ATP2B2: variants seen among roughly 807,000 people sequenced by gnomAD.
ATP2B2 encodes ATPase plasma membrane Ca2+ transporting 2.
Under a neutral mutation model 120.0 loss-of-function variants are expected in ATP2B2, and 15 were observed. That is an observed-to-expected ratio of 0.12 (90% CI 0.08 to 0.19). The LOEUF is 0.19. ATP2B2 is among the 10% of genes least tolerant of loss of function. The pLI, the probability that ATP2B2 is intolerant of heterozygous loss-of-function variation, is 1.00. For missense variants in ATP2B2, 1,045 were observed against 1,719.8 expected, an observed-to-expected ratio of 0.61 and a Z score of 6.94; for synonymous variants, 694 against 700.3, an observed-to-expected ratio of 0.99 and a Z score of 0.14.
intron 1 of ATP2B2, among the ~76,000 whole-genome samples, chr3:10,633,242 T>C (rs2069919994): frequency 6.6e-6 from 1 of 152,290 alleles, no homozygotes; most frequent in South Asian, 2.1e-4. Context: ...GGGGGTTAAA[T>C]GAGTTAACAC....
chr3:10,332,850 G>A (rs1298958606), intron 22 of ATP2B2, among the ~76,000 whole-genome samples: 2 of 152,198 alleles, frequency 1.3e-5, no homozygotes, highest in Non-Finnish European at 2.9e-5. Context: ...TGAGGCATCT[G>A]TGAAGTAAAG....
chr3:10,569,567 G>A (rs1461082362), intron 2 of ATP2B2, among the ~76,000 whole-genome samples: 2 of 152,162 alleles, frequency 1.3e-5, no homozygotes, highest in Admixed American at 6.5e-5. Context: ...CAACTAGCAT[G>A]TAATCCCTGA....
chr3:10,392,931 G>A (rs17032812), intron 5 of ATP2B2, among the ~76,000 whole-genome samples: 13,505 of 152,266 alleles, frequency 0.089, 897 homozygotes, highest in East Asian at 0.29. Context: ...GCTACATCTC[G>A]GGAAGAAGAG....
At chr3:10,389,074 G>T (rs79881275) in intron 5 of ATP2B2, among the ~76,000 whole-genome samples, 6,875 of 152,258 alleles carry the variant, frequency 0.045, 235 homozygotes, top group Non-Finnish European at 0.068. Flanking sequence ...ACTACTCCAG[G>T]GGTCTATGCT....
In ATP2B2 at chr3:10,340,154, C is replaced by A. The variant is rs547837058; in HGVS notation, c.3237+88G>T. On this transcript the variant is annotated intron_variant, in intron 21 of 22. Transcript: ENST00000360273. The surrounding 1 kb of genome is among the most constrained non-coding windows in gnomAD (Gnocchi z 5.0). ...GAGGAGCTTGCCTGGGGTCTGGCAGCCCATTCCTGGGGGTCCTGGATTCTC... is the reference window on the plus strand; with the variant it reads ...GAGGAGCTTGCCTGGGGTCTGGCAGACCATTCCTGGGGGTCCTGGATTCTC... 7.6e-7 allele frequency: 1 copy of A among 1,316,608 alleles called. No individual in the cohort carries two copies. Among genetic ancestry groups the A allele is most frequent in the Non-Finnish European group, 1.1e-6 (1 of 924,044 alleles). 81.6% of individuals were successfully genotyped at this position (1,316,608 alleles called of 1,614,324 possible).
In ATP2B2 at chr3:10,568,171, T is replaced by C. The variant is rs1575505276; in HGVS notation, c.-414-34038A>G. 2.0e-5 allele frequency among the ~76,000 whole-genome samples: 3 copies of C among 152,170 alleles called. No individual in the cohort carries two copies. The East Asian group carries it at 5.8e-4, about 29-fold the overall frequency. On this transcript the variant is annotated intron_variant, in intron 2 of 21. Transcript: ENST00000646379. ...ACACTGTAGGTCCTGCAGCCTTAGG[T>C]GCAGGGCTGCTGCCACACCAAGGAC... is the stretch of plus-strand genomic sequence containing the variant.
intron 8 of ATP2B2, among the ~76,000 whole-genome samples, chr3:10,384,656 C>G (rs1185780010): frequency 6.6e-6 from 1 of 152,156 alleles, no homozygotes; most frequent in African/African-American, 2.4e-5. Flanking sequence ...GCACAGGCAA[C>G]AGCAAGAAAC....
intron 1 of ATP2B2, among the ~76,000 whole-genome samples, chr3:10,482,303 C>G (rs920161102): frequency 6.6e-6 from 1 of 152,194 alleles, no homozygotes; most frequent in East Asian, 1.9e-4. Flanking sequence ...ATGGTGAGGG[C>G]AGCAGAGCAC....
At chr3:10,610,294 A>G (rs1467990588) in intron 2 of ATP2B2, among the ~76,000 whole-genome samples, 1 of 151,486 alleles carries the variant, frequency 6.6e-6, no homozygotes, top group African/African-American at 2.4e-5. Flanking sequence ...CCAACCCTAA[A>G]TGGGTTGGAA....
At chr3:10,645,925 T>C (rs2070310305) in intron 1 of ATP2B2, among the ~76,000 whole-genome samples, 1 of 152,162 alleles carries the variant, frequency 6.6e-6, no homozygotes, top group African/African-American at 2.4e-5. Context: ...ATTCACAGGA[T>C]CTTTGATGTG....
intron 17 of ATP2B2, 152 bp from the exon 18 acceptor site, chr3:10,345,727 C>T (rs973049312): frequency 1.4e-5 from 11 of 778,238 alleles, no homozygotes; most frequent in South Asian, 3.5e-5. Flanking sequence ...CCACTCTTCA[C>T]GCTCCTCACA....
intron 1 of ATP2B2, chr3:10,626,399 C>G (rs1168653546): frequency 6.6e-6 from 1 of 152,244 alleles, no homozygotes; most frequent in African/African-American, 2.4e-5. Flanking sequence ...TGCCAGGGTC[C>G]TGGGGGATCT....
intron 2 of ATP2B2, among the ~76,000 whole-genome samples, chr3:10,441,999 T>C (rs2063684044): frequency 6.6e-6 from 1 of 152,304 alleles, no homozygotes; most frequent in Admixed American, 6.5e-5. Context: ...GCATATTGAT[T>C]CTGCAAAATG....
At chr3:10,593,441 C>T (rs1448253276) in intron 2 of ATP2B2, among the ~76,000 whole-genome samples, 1 of 152,170 alleles carries the variant, frequency 6.6e-6, no homozygotes, top group Non-Finnish European at 1.5e-5. Context: ...TGAGAGTTGA[C>T]TGTCTGTGCA....
At chr3:10,576,255 G>A (rs967864673) in intron 2 of ATP2B2, among the ~76,000 whole-genome samples, 1 of 152,188 alleles carries the variant, frequency 6.6e-6, no homozygotes. Context: ...TCGGCAGAAC[G>A]TCCTTGCAGG....
At chr3:10,504,441 G>A (rs1331029641) in intron 1 of ATP2B2, among the ~76,000 whole-genome samples, 1 of 152,138 alleles carries the variant, frequency 6.6e-6, no homozygotes, top group Non-Finnish European at 1.5e-5. Context: ...AAGACCCTCT[G>A]CCGGCTGGTC....
At position 10,656,008 on chromosome 3, in the gene ATP2B2, C is replaced by T. The variant is rs2070616993; in HGVS notation, c.-459-36047G>A. Among the ~76,000 whole-genome samples the T allele has an allele frequency of 5.3e-5, 8 of 152,294 alleles. No homozygotes were observed. In the South Asian group the frequency reaches 1.7e-3, roughly 32 times the overall value. On this transcript the variant is annotated intron_variant, in intron 1 of 21. Transcript: ENST00000646379. ...GCTGAGAGAGCGGGGAAAACAATCC[C>T]TGGATTGATGAGTCCAAACAGAATA... is the stretch of plus-strand genomic sequence containing the variant.
At chr3:10,379,307 A>G (rs756229078) in intron 8 of ATP2B2, 23 bp from the exon 9 acceptor site, 2 of 1,613,062 alleles carry the variant, frequency 1.2e-6, no homozygotes, top group South Asian at 2.2e-5. Context: ...GAATTTTAAC[A>G]GACAACAGAG....
At position 10,397,039 on chromosome 3, in the gene ATP2B2, C is replaced by T. The variant is rs1314722760; in HGVS notation, c.781+3914G>A. On this transcript the variant is annotated intron_variant, in intron 5 of 22. Coordinates refer to ENST00000360273, the MANE Select transcript of ATP2B2 (RefSeq NM_001001331.4). ...ATATCATGAATGACACTCCTATTGTCCTCCCAGGGAAATGGGCTCAGAGAA... is the reference window on the plus strand; with the variant it reads ...ATATCATGAATGACACTCCTATTGTTCTCCCAGGGAAATGGGCTCAGAGAA... 5.3e-5 allele frequency among the ~76,000 whole-genome samples: 8 copies of T among 152,216 alleles called. No homozygotes were observed. In the South Asian group the frequency reaches 1.4e-3, roughly 28 times the overall value.
Sources: gnomAD v4.1 joint callset for allele counts (sites outside exome capture counted in the v4.1 genomes callset) on GRCh38, gnomAD v4.1.1 for gene constraint, Gnocchi (gnomAD v3.1) non-coding constraint, MANE v1.5 for transcripts, NCBI Gene and HGNC (gene_info 2026-07-23, HGNC 2026-07-21) for gene names.